Variants in SSBP3 observed in about 807,000 individuals in gnomAD.
SSBP3 encodes single stranded DNA binding protein 3, also known as single-stranded DNA-binding protein 3.
SSBP3 carries 5 observed loss-of-function variants against 69.6 expected under a neutral mutation model. The ratio of observed to expected loss-of-function variants is 0.07; its 90% CI spans 0.04 to 0.15. SSBP3 has a LOEUF of 0.15. Ranked by LOEUF, SSBP3 falls within the 10% of genes least tolerant of loss-of-function variation. SSBP3 has a pLI of 1.00. For missense variants in SSBP3, 312 were observed against 534.0 expected, an observed-to-expected ratio of 0.58 and a Z score of 4.10; for synonymous variants, 196 against 193.4, an observed-to-expected ratio of 1.01 and a Z score of -0.11.
chr1:54,332,097 G>A (rs1192783277), intron 4 of SSBP3, among the ~76,000 whole-genome samples: 1 of 152,224 alleles, frequency 6.6e-6, no homozygotes, highest in East Asian at 1.9e-4. Flanking sequence ...AGGTCGCACA[G>A]CTCCTAAGTG....
chr1:54,355,270 T>C (rs1321736993), intron 4 of SSBP3, among the ~76,000 whole-genome samples: 1 of 152,272 alleles, frequency 6.6e-6, no homozygotes, highest in African/African-American at 2.4e-5. Context: ...GCCGAATTTC[T>C]GGACAATATC....
chr1:54,380,456 G>A (rs908353992), intron 4 of SSBP3, among the ~76,000 whole-genome samples: 10 of 152,180 alleles, frequency 6.6e-5, no homozygotes, highest in Non-Finnish European at 5.9e-5. Context: ...CTGTCCTCGT[G>A]GAAAGAACGC....
chr1:54,412,721 A>G (rs1284523942), intron 1 of SSBP3: 1 of 152,102 alleles, frequency 6.6e-6, no homozygotes, highest in Non-Finnish European at 1.5e-5. Flanking sequence ...TTTTACTGCA[A>G]TATTTTTTTT....
chr1:54,244,427 T>G (rs1644699057), intron 9 of SSBP3, among the ~76,000 whole-genome samples: 1 of 150,566 alleles, frequency 6.6e-6, no homozygotes, highest in East Asian at 2.0e-4. Context: ...TAAATTTTTT[T>G]GTAGAGATGG....
chr1:54,261,873 G>A (rs1486695775), intron 5 of SSBP3, among the ~76,000 whole-genome samples: 2 of 152,008 alleles, frequency 1.3e-5, no homozygotes, highest in African/African-American at 4.8e-5. Flanking sequence ...CTGCCCAGGG[G>A]TCACCTGTTA....
At chr1:54,275,586 A>G (rs899163277) in intron 5 of SSBP3, among the ~76,000 whole-genome samples, 2 of 152,130 alleles carry the variant, frequency 1.3e-5, no homozygotes, top group African/African-American at 4.8e-5. Context: ...CCTCCCTGTG[A>G]ACACATCACC....
At chr1:54,265,066 G>A (rs1645078630) in intron 5 of SSBP3, among the ~76,000 whole-genome samples, 1 of 152,216 alleles carries the variant, frequency 6.6e-6, no homozygotes, top group Non-Finnish European at 1.5e-5. Flanking sequence ...AATACCGACA[G>A]AAAATGGCGT....
At chr1:54,241,143 G>A (rs1343121229) in intron 12 of SSBP3, among the ~76,000 whole-genome samples, 184 bp from the exon 13 acceptor site, 1 of 152,170 alleles carries the variant, frequency 6.6e-6, no homozygotes, top group African/African-American at 2.4e-5. Flanking sequence ...GATGTCCCCT[G>A]TCCCTTTCTT....
At chr1:54,357,415 G>C (rs933918394) in intron 4 of SSBP3, among the ~76,000 whole-genome samples, 1 of 152,000 alleles carries the variant, frequency 6.6e-6, no homozygotes, top group Non-Finnish European at 1.5e-5. Context: ...CAGTGCTTCA[G>C]TAAGTTTTTT....
chr1:54,359,570 A>G (rs1029922743), intron 4 of SSBP3, among the ~76,000 whole-genome samples: 6 of 152,226 alleles, frequency 3.9e-5, no homozygotes, highest in Admixed American at 6.5e-5. Flanking sequence ...TTTTATAAAC[A>G]TAAGGTTTCC....
intron 7 of SSBP3, among the ~76,000 whole-genome samples, chr1:54,253,150 G>A (rs963076676): frequency 7.3e-5 from 11 of 150,844 alleles, no homozygotes; most frequent in South Asian, 4.2e-4. Flanking sequence ...TGATGTTCAC[G>A]AAGTAGAATT....
At chr1:54,329,396 C>A (rs1279665518) in intron 4 of SSBP3, among the ~76,000 whole-genome samples, 1 of 152,232 alleles carries the variant, frequency 6.6e-6, no homozygotes, top group African/African-American at 2.4e-5. Flanking sequence ...CTCTTCCTTT[C>A]TTCCTTCAAG....
intron 4 of SSBP3, among the ~76,000 whole-genome samples, chr1:54,307,745 T>C (rs1196378781): frequency 6.6e-6 from 1 of 152,062 alleles, no homozygotes; most frequent in African/African-American, 2.4e-5. Context: ...CCTCTGGTCG[T>C]CCTCACTGCT....
intron 9 of SSBP3, among the ~76,000 whole-genome samples, chr1:54,247,279 G>A: frequency 6.6e-6 from 1 of 152,240 alleles, no homozygotes; most frequent in South Asian, 2.1e-4. Flanking sequence ...GCAGGAGGCA[G>A]GTGGGAAGGG....
At chr1:54,240,105 C>CAT (rs1644597585) in intron 13 of SSBP3, among the ~76,000 whole-genome samples, 4 of 9,810 alleles carry the variant, frequency 4.1e-4, no homozygotes, top group Non-Finnish European at 7.8e-4. Flanking sequence ...CGCGCGTGTG[C>CAT]GTGCGCGCGC....
intron 4 of SSBP3, among the ~76,000 whole-genome samples, chr1:54,387,265 A>G (rs1648160796): frequency 6.6e-6 from 1 of 152,206 alleles, no homozygotes; most frequent in South Asian, 2.1e-4. Flanking sequence ...AGAATCGGGG[A>G]GACCCTTAAA....
intron 4 of SSBP3, among the ~76,000 whole-genome samples, chr1:54,376,674 T>G (rs891109479): frequency 1.3e-5 from 2 of 152,232 alleles, no homozygotes; most frequent in Admixed American, 6.5e-5. Flanking sequence ...TTTGATTGTT[T>G]CAGTTTCAAA....
rs767599406 is a variant in SSBP3, at chr1:54,229,067, C to T, written c.928-241G>A. On this transcript the variant is annotated intron_variant, in intron 14 of 17. Transcript: ENST00000610401. ...CAGGTGAGGGAGAGGGACTGGCCCA[C>T]TGCCACCCAACTCCACACAGAGGCA... 1.1e-4 allele frequency among the ~76,000 whole-genome samples: 16 copies of T among 152,340 alleles called. 1 individual carries two copies. Among genetic ancestry groups the T allele is most frequent in the Middle Eastern group, 6.8e-3 (2 of 294 alleles).
At chr1:54,281,454 G>A (rs1175287225) in exon 5 of SSBP3, 4 of 1,564,856 alleles carry the variant, frequency 2.6e-6, no homozygotes, top group East Asian at 2.4e-5. Flanking sequence ...GAAACCTGGC[G>A]GGATGGGGCC....
Sources: allele counts gnomAD v4.1 joint callset (sites outside exome capture counted in the v4.1 genomes callset), GRCh38; gene constraint gnomAD v4.1.1; transcripts MANE v1.5; gene names NCBI Gene and HGNC (gene_info 2026-07-23, HGNC 2026-07-21).